SYT1: variants seen among roughly 807,000 people sequenced by gnomAD.
SYT1 encodes synaptotagmin 1.
Under a neutral mutation model 44.8 loss-of-function variants are expected in SYT1, and 8 were observed. The ratio of observed to expected loss-of-function variants is 0.18; its 90% confidence interval spans 0.10 to 0.32. The LOEUF is 0.32. Ranked by LOEUF, SYT1 falls within the 10% of genes least tolerant of loss-of-function variation. The pLI is 1.00. For synonymous variants in SYT1, 154 were observed against 188.8 expected (o/e 0.82, Z 1.51); for missense variants, 286 against 509.3 (o/e 0.56, Z 4.22).
rs562366692 is a variant in SYT1 at position 78,902,244 on chromosome 12, G to A, written c.-217+37135G>A. On this transcript the variant is annotated intron_variant, in intron 1 of 10. Coordinates refer to ENST00000261205, the MANE Select transcript of SYT1 (RefSeq NM_005639.3). ...TACTGATTATGCTGATCATATAATCGCAATTACACACATAGTGTTGATCTT... is the reference window on the plus strand; with the variant it reads ...TACTGATTATGCTGATCATATAATCACAATTACACACATAGTGTTGATCTT... 1.8e-3 allele frequency among the ~76,000 whole-genome samples: 269 copies of A among 146,432 alleles called. 2 individuals are homozygous for A. Among genetic ancestry groups the A allele is most frequent in the African/African-American group, 6.7e-3 (262 of 39,046 alleles).
intron 4 of SYT1, among the ~76,000 whole-genome samples, chr12:79,219,272 T>G (rs896233539): frequency 6.6e-6 from 1 of 152,050 alleles, no homozygotes; most frequent in Non-Finnish European, 1.5e-5. Flanking sequence ...AGATGTATAG[T>G]TTGCAAATAT....
At chr12:78,874,089 T>C (rs1873948218) in intron 1 of SYT1, among the ~76,000 whole-genome samples, 1 of 151,656 alleles carries the variant, frequency 6.6e-6, no homozygotes, top group African/African-American at 2.4e-5. Context: ...TCAGGCACTT[T>C]TCTATGTACT....
At chr12:79,436,775 G>A (rs949013698) in intron 9 of SYT1, among the ~76,000 whole-genome samples, 6 of 152,152 alleles carry the variant, frequency 3.9e-5, no homozygotes, top group African/African-American at 1.2e-4. Flanking sequence ...GAAGTGAATG[G>A]CCTTTCCAAA....
At chr12:78,969,855 A>G (rs1202304426) in intron 1 of SYT1, among the ~76,000 whole-genome samples, 2 of 152,222 alleles carry the variant, frequency 1.3e-5, no homozygotes, top group Admixed American at 1.3e-4. Flanking sequence ...ATGCCTTGGC[A>G]GATGATCAAG....
chr12:79,299,997 A>G lies in SYT1; in HGVS notation c.810+446A>G, dbSNP rs566381787. Among the ~76,000 whole-genome samples the G allele has an allele frequency of 2.0e-5, 3 of 152,306 alleles. No homozygotes were observed. The East Asian group carries it at 5.8e-4, about 29-fold the overall frequency. On this transcript the variant is annotated intron_variant, in intron 8 of 10. Coordinates refer to ENST00000261205, the MANE Select transcript of SYT1 (RefSeq NM_005639.3). Reference sequence around the variant, plus strand: ...CCTTGATTGTTTCTGCATATCACAGACAGTTCATTGTTTCTCCTAAAGATA... The same window carrying G: ...CCTTGATTGTTTCTGCATATCACAGGCAGTTCATTGTTTCTCCTAAAGATA...
intron 3 of SYT1, among the ~76,000 whole-genome samples, chr12:79,064,043 G>T (rs1043809971): frequency 1.3e-5 from 2 of 151,882 alleles, no homozygotes; most frequent in African/African-American, 4.8e-5. Flanking sequence ...CTACCATTCC[G>T]GAGAACAGTC....
intron 3 of SYT1, among the ~76,000 whole-genome samples, chr12:79,066,490 TAA>T (rs1038808316): frequency 2.5e-4 from 35 of 139,768 alleles, no homozygotes; most frequent in African/African-American, 9.3e-4. Context: ...AAAAAAAAAT[TAA>T]AAAAAAAAAC....
chr12:79,383,460 C>T (rs920969615), intron 9 of SYT1, among the ~76,000 whole-genome samples: 1 of 152,046 alleles, frequency 6.6e-6, no homozygotes, highest in Non-Finnish European at 1.5e-5. Flanking sequence ...CAATATGGTA[C>T]AATGGCAAAA....
intron 2 of SYT1, among the ~76,000 whole-genome samples, chr12:78,980,195 C>G (rs960755124): frequency 6.6e-6 from 1 of 152,114 alleles, no homozygotes; most frequent in Non-Finnish European, 1.5e-5. Flanking sequence ...GGACAAAGAA[C>G]TGTCTTCTGA....
intron 3 of SYT1, among the ~76,000 whole-genome samples, chr12:79,067,303 T>C (rs17041543): frequency 0.03 from 4,552 of 152,230 alleles, 121 homozygotes; most frequent in Middle Eastern, 0.071. Context: ...TTTATGGGTA[T>C]TTAACTCCTA....
intron 1 of SYT1, among the ~76,000 whole-genome samples, chr12:78,902,206 A>G (rs1875705246): frequency 6.6e-6 from 1 of 151,484 alleles, no homozygotes; most frequent in African/African-American, 2.4e-5. Context: ...GTATATATAT[A>G]TATATACTTT....
At chr12:79,389,650 C>A (rs994957924) in intron 9 of SYT1, among the ~76,000 whole-genome samples, 1 of 152,140 alleles carries the variant, frequency 6.6e-6, no homozygotes, top group African/African-American at 2.4e-5. Context: ...TTTATACCAC[C>A]ACCTACCAGT....
At chr12:79,196,109 T>C (rs1333916802) in intron 3 of SYT1, among the ~76,000 whole-genome samples, 3 of 152,154 alleles carry the variant, frequency 2.0e-5, no homozygotes, top group African/African-American at 7.2e-5. Flanking sequence ...GAAACACTAA[T>C]AGCAATAAAA....
chr12:79,439,145 A>G (rs750114520), intron 9 of SYT1, among the ~76,000 whole-genome samples: 3 of 152,224 alleles, frequency 2.0e-5, no homozygotes, highest in Non-Finnish European at 4.4e-5. Context: ...GCCTAAGTGT[A>G]TCAACATTAG....
At chr12:79,179,535 A>T (rs995983051) in intron 3 of SYT1, among the ~76,000 whole-genome samples, 13 of 130,416 alleles carry the variant, frequency 1.0e-4, no homozygotes, top group African/African-American at 3.1e-4. Flanking sequence ...AGATATAGAT[A>T]TAGATATAGA....
chr12:78,897,458 AGT>A (rs930070929), intron 1 of SYT1, among the ~76,000 whole-genome samples: 10 of 151,972 alleles, frequency 6.6e-5, no homozygotes, highest in African/African-American at 1.9e-4. Flanking sequence ...CAAACCTAAA[AGT>A]GGATCTTCAT....
intron 2 of SYT1, among the ~76,000 whole-genome samples, chr12:78,987,891 A>G (rs541205617): frequency 2.8e-4 from 43 of 152,240 alleles, no homozygotes; most frequent in African/African-American, 1.0e-3. Context: ...AAAGAATACT[A>G]TAGACCAGTA....
chr12:78,967,572 A>G (rs2137371310), intron 1 of SYT1, among the ~76,000 whole-genome samples: 1 of 152,300 alleles, frequency 6.6e-6, no homozygotes, highest in Middle Eastern at 3.4e-3. Flanking sequence ...CTTATCAGAT[A>G]CTGGGCTAGG....
At chr12:79,307,085 C>T (rs904535895) in intron 8 of SYT1, among the ~76,000 whole-genome samples, 1 of 152,162 alleles carries the variant, frequency 6.6e-6, no homozygotes, top group Non-Finnish European at 1.5e-5. Flanking sequence ...TTTTTACCTT[C>T]TGTCTTACTC....
Sources: gnomAD v4.1 joint callset for allele counts (sites outside exome capture counted in the v4.1 genomes callset) on GRCh38, gnomAD v4.1.1 for gene constraint, MANE v1.5 for transcripts, NCBI Gene and HGNC (gene_info 2026-07-23, HGNC 2026-07-21) for gene names.